Variants in DAB1 observed in about 807,000 individuals in gnomAD.
DAB1 encodes the protein DAB adaptor protein 1.
DAB1 carries 15 observed loss-of-function variants against 64.6 expected under a neutral mutation model. The observed-to-expected ratio is 0.23, with a 90% confidence interval of 0.16 to 0.36. The LOEUF is 0.36. Among genes scored for constraint, DAB1 ranks in the 10% least tolerant of loss-of-function variants. DAB1 has a pLI of 1.00. For missense variants in DAB1, 596 were observed against 706.7 expected (o/e 0.84, Z 1.78); for synonymous variants, 235 against 251.9 (o/e 0.93, Z 0.64).
At chr1:57,954,232 T>C (rs935354133) in intron 5 of DAB1, among the ~76,000 whole-genome samples, 1 of 152,066 alleles carries the variant, frequency 6.6e-6, no homozygotes, top group African/African-American at 2.4e-5. Flanking sequence ...CACTTTCCCT[T>C]CCAGAAATAG....
intron 1 of DAB1, among the ~76,000 whole-genome samples, chr1:57,877,418 C>T (rs933522516): frequency 6.6e-6 from 1 of 152,184 alleles, no homozygotes. Context: ...AATTCTAGGA[C>T]ATTCCCACAC....
At chr1:57,128,915 A>G (rs887579369) in intron 4 of DAB1, among the ~76,000 whole-genome samples, 1 of 152,182 alleles carries the variant, frequency 6.6e-6, no homozygotes, top group Non-Finnish European at 1.5e-5. Context: ...CCTTAGCACC[A>G]TATCATCTGG....
intron 2 of DAB1, among the ~76,000 whole-genome samples, chr1:57,261,295 T>C (rs927324168): frequency 3.9e-5 from 6 of 152,112 alleles, no homozygotes; most frequent in African/African-American, 1.4e-4. Context: ...ACAGTATCCC[T>C]ATGCATCCAA....
intron 1 of DAB1, among the ~76,000 whole-genome samples, chr1:58,533,032 A>T (rs1646459188): frequency 6.6e-6 from 1 of 152,252 alleles, no homozygotes; most frequent in Non-Finnish European, 1.5e-5. Flanking sequence ...TTAGCATTTC[A>T]GTCACTTCAC....
chr1:58,247,382 A>G (rs949158664), intron 4 of DAB1, among the ~76,000 whole-genome samples: 2 of 152,024 alleles, frequency 1.3e-5, no homozygotes, highest in South Asian at 4.2e-4. Context: ...TGAGAAACCC[A>G]GCCTGTCCAA....
intron 1 of DAB1, chr1:57,387,462 G>A: frequency 1.4e-5 from 2 of 139,716 alleles, no homozygotes; most frequent in South Asian, 4.3e-4. Flanking sequence ...CACGTTTTGT[G>A]TATATATATG....
intron 2 of DAB1, among the ~76,000 whole-genome samples, chr1:58,516,713 T>G (rs532962049): frequency 6.6e-6 from 1 of 152,262 alleles, no homozygotes; most frequent in South Asian, 2.1e-4. Flanking sequence ...CGTTGAAACC[T>G]CATAAATCCA....
chr1:57,086,848 A>G (rs1172680150), intron 4 of DAB1, among the ~76,000 whole-genome samples: 1 of 152,152 alleles, frequency 6.6e-6, no homozygotes, highest in African/African-American at 2.4e-5. Context: ...TGACGGTGAA[A>G]TTGATGAGTG....
At chr1:57,115,508 A>T (rs1570719592) in intron 4 of DAB1, among the ~76,000 whole-genome samples, 1 of 152,342 alleles carries the variant, frequency 6.6e-6, no homozygotes, top group East Asian at 1.9e-4. Flanking sequence ...CACTGGCTAC[A>T]TGTGGCGCTT....
rs919007723 is a variant in DAB1 at position 57,480,908 on chromosome 1, T to C, written n.625+168684A>G. Among the ~76,000 whole-genome samples the C allele has an allele frequency of 1.1e-4, 16 of 152,258 alleles. No homozygotes were observed. In the East Asian group the frequency reaches 3.1e-3, roughly 29 times the overall value. On this transcript the variant is annotated intron_variant and non_coding_transcript_variant, in intron 7 of 20. Transcript: ENST00000485760. ...AAGCCCGCCCTCTTCCCATTCAAGC[T>C]CACTGCCTTTCTTTTTCTTCGTCAA...
chr1:58,130,823 A>T (rs2100694376), intron 5 of DAB1, among the ~76,000 whole-genome samples: 1 of 152,276 alleles, frequency 6.6e-6, no homozygotes, highest in African/African-American at 2.4e-5. Flanking sequence ...CTGCCGAGAG[A>T]TCCGCCGTTA....
At chr1:57,281,160 A>G (rs1671855101) in intron 2 of DAB1, among the ~76,000 whole-genome samples, 3 of 152,150 alleles carry the variant, frequency 2.0e-5, no homozygotes, top group Non-Finnish European at 4.4e-5. Flanking sequence ...AAAGTGGCTG[A>G]AAAAACAGAC....
intron 9 of DAB1, among the ~76,000 whole-genome samples, chr1:57,056,932 C>A (rs112837642): frequency 2.0e-5 from 3 of 151,852 alleles, no homozygotes; most frequent in African/African-American, 7.3e-5. Context: ...TCAAGGAAAG[C>A]TGAAGACAGA....
chr1:57,768,778 T>G (rs1649431858), intron 6 of DAB1, among the ~76,000 whole-genome samples: 1 of 152,130 alleles, frequency 6.6e-6, no homozygotes, highest in African/African-American at 2.4e-5. Flanking sequence ...CACTTCTCTT[T>G]ATTCCTAAAG....
chr1:58,505,542 G>T (rs763067892), intron 3 of DAB1, among the ~76,000 whole-genome samples: 27 of 151,990 alleles, frequency 1.8e-4, no homozygotes, highest in Non-Finnish European at 1.9e-4. Context: ...AGAAAGAAAA[G>T]CCAGAGAGCA....
intron 9 of DAB1, among the ~76,000 whole-genome samples, chr1:57,052,890 G>A (rs1226086318): frequency 6.6e-6 from 1 of 152,092 alleles, no homozygotes; most frequent in Non-Finnish European, 1.5e-5. Flanking sequence ...CTTATATTTA[G>A]CCCAGATGTT....
At chr1:58,411,504 T>C (rs745512823) in intron 3 of DAB1, among the ~76,000 whole-genome samples, 1 of 152,076 alleles carries the variant, frequency 6.6e-6, no homozygotes, top group Non-Finnish European at 1.5e-5. Context: ...TCTAATCCAT[T>C]TGGGGTGGTG....
At chr1:57,033,256 A>G in intron 9 of DAB1, 1 of 952,742 alleles carries the variant, frequency 1.0e-6, no homozygotes, top group Non-Finnish European at 1.7e-6. Flanking sequence ...TCCTGGGGAC[A>G]TTTGAATAGG....
At chr1:58,398,472 C>G (rs1380612176) in intron 3 of DAB1, among the ~76,000 whole-genome samples, 1 of 152,246 alleles carries the variant, frequency 6.6e-6, no homozygotes, top group East Asian at 1.9e-4. Flanking sequence ...GAGGCCAAGC[C>G]TAGACTTAAT....
Sources: gnomAD v4.1 joint callset for allele counts (sites outside exome capture counted in the v4.1 genomes callset) on GRCh38, gnomAD v4.1.1 for gene constraint, MANE v1.5 for transcripts, NCBI Gene and HGNC (gene_info 2026-07-23, HGNC 2026-07-21) for gene names.